Variants in MSRB3 observed in about 807,000 individuals in gnomAD.
MSRB3 encodes methionine-R-sulfoxide reductase B3.
MSRB3 carries 13 observed loss-of-function variants against 21.0 expected under a neutral mutation model. The observed-to-expected ratio is 0.62, with a 90% CI of 0.40 to 0.98. MSRB3 has a LOEUF of 0.98. Ranked by LOEUF, MSRB3 falls within the 50% of genes least tolerant of loss-of-function variation. The pLI is 0.00. For missense variants in MSRB3, 199 were observed against 230.3 expected, an observed-to-expected ratio of 0.86 and a Z score of 0.88; for synonymous variants, 87 against 88.6, an observed-to-expected ratio of 0.98 and a Z score of 0.10.
chr12:65,399,794 G>A (rs952369979), intron 5 of MSRB3, among the ~76,000 whole-genome samples: 1 of 152,146 alleles, frequency 6.6e-6, no homozygotes, highest in African/African-American at 2.4e-5. Context: ...CTAGTTTATT[G>A]AGAGTTTTTA....
chr12:65,431,120 G>A (rs897430929), intron 5 of MSRB3, among the ~76,000 whole-genome samples: 2 of 151,858 alleles, frequency 1.3e-5, no homozygotes, highest in South Asian at 2.1e-4. Flanking sequence ...AAGAATTTCT[G>A]GTGTCTGATT....
At chr12:65,410,136 T>A (rs1464177994) in intron 5 of MSRB3, among the ~76,000 whole-genome samples, 1 of 152,224 alleles carries the variant, frequency 6.6e-6, no homozygotes, top group African/African-American at 2.4e-5. Flanking sequence ...CAACTTTTTT[T>A]ATTTCATGTA....
At chr12:65,359,708 G>A (rs1035511259) in intron 4 of MSRB3, among the ~76,000 whole-genome samples, 1 of 152,154 alleles carries the variant, frequency 6.6e-6, no homozygotes, top group Admixed American at 6.6e-5. Flanking sequence ...TTCAGGTTAA[G>A]CACTTTGGCA....
In MSRB3 at chr12:65,465,505, A is replaced by G. The variant is rs1883526554; in HGVS notation, c.*2183A>G. 2 of 152,210 alleles carry G rather than the reference A, an allele frequency of 1.3e-5. No homozygotes were observed. Among genetic ancestry groups the G allele is most frequent in the Admixed American group, 1.3e-4 (2 of 15,278 alleles). The allele number at this position is 152,210 out of a possible 1,614,324, so 9.4% of individuals were successfully genotyped here. On this transcript the variant is annotated 3_prime_UTR_variant, in exon 7 of 7. Transcript: ENST00000308259. ...AAATTAGAATGAAAATCTGTGACAA[A>G]CAGCGTCAGTGTGGCCATGTCCACA...
intron 6 of MSRB3, among the ~76,000 whole-genome samples, chr12:65,455,594 A>C (rs1447645338): frequency 6.6e-6 from 1 of 152,202 alleles, no homozygotes; most frequent in Non-Finnish European, 1.5e-5. Context: ...GCTTATGTGG[A>C]TTTAAGTGGC....
chr12:65,322,524 G>A (rs1027466769), intron 2 of MSRB3, among the ~76,000 whole-genome samples: 4 of 151,712 alleles, frequency 2.6e-5, no homozygotes, highest in African/African-American at 9.7e-5. Flanking sequence ...GTGTGGTGGT[G>A]GGCGTCTGTA....
chr12:65,392,344 G>A (rs778209206), intron 5 of MSRB3, among the ~76,000 whole-genome samples: 2 of 152,106 alleles, frequency 1.3e-5, no homozygotes, highest in Non-Finnish European at 2.9e-5. Context: ...TTTTACCTCT[G>A]CATCTAGCAT....
At chr12:65,438,513 T>A (rs987030235) in intron 5 of MSRB3, among the ~76,000 whole-genome samples, 35 of 151,934 alleles carry the variant, frequency 2.3e-4, no homozygotes, top group African/African-American at 8.2e-4. Flanking sequence ...CTCCCGAACT[T>A]TAAGGATAAA....
At chr12:65,373,599 A>G (rs1878439544) in intron 5 of MSRB3, among the ~76,000 whole-genome samples, 1 of 152,152 alleles carries the variant, frequency 6.6e-6, no homozygotes. Context: ...TGCTTGGAAT[A>G]GCTATACTAA....
intron 2 of MSRB3, among the ~76,000 whole-genome samples, chr12:65,310,160 G>T (rs1192631186): frequency 6.6e-6 from 1 of 152,042 alleles, no homozygotes; most frequent in Non-Finnish European, 1.5e-5. Context: ...TCTGTTTATG[G>T]TGACATGAGG....
At chr12:65,328,286 C>T (rs562801765) in intron 3 of MSRB3, among the ~76,000 whole-genome samples, 141 of 151,744 alleles carry the variant, frequency 9.3e-4, no homozygotes, top group African/African-American at 3.3e-3. Context: ...CTAAGCATTA[C>T]ATAACTAGAT....
intron 5 of MSRB3, among the ~76,000 whole-genome samples, chr12:65,376,851 G>A (rs942614596): frequency 1.8e-4 from 28 of 152,048 alleles, no homozygotes; most frequent in Admixed American, 7.2e-4. Flanking sequence ...AAGAAATGAA[G>A]GCTGCTGCAA....
intron 5 of MSRB3, among the ~76,000 whole-genome samples, chr12:65,373,444 T>C (rs1264149405): frequency 6.6e-6 from 1 of 152,164 alleles, no homozygotes; most frequent in African/African-American, 2.4e-5. Context: ...TATCAGGCAA[T>C]GTTTGGGTGA....
At chr12:65,432,525 C>T (rs937595129) in intron 5 of MSRB3, among the ~76,000 whole-genome samples, 1 of 152,016 alleles carries the variant, frequency 6.6e-6, no homozygotes, top group Non-Finnish European at 1.5e-5. Context: ...ATATCCCCTC[C>T]TAGCTCTTCT....
chr12:65,350,395 T>G (rs1876877567), intron 4 of MSRB3, among the ~76,000 whole-genome samples: 1 of 150,698 alleles, frequency 6.6e-6, no homozygotes, highest in African/African-American at 2.5e-5. Context: ...AGGAAGAAAC[T>G]GCATCAACTA....
Position 65,326,884 on chromosome 12 carries a change from G to A in MSRB3, c.135G>A (p.Lys45=), listed in dbSNP as rs756172822. The A allele has an allele frequency of 1.9e-6, 3 of 1,612,898 alleles. No homozygotes were observed. The highest frequency in any genetic ancestry group is 2.2e-5 in the South Asian group (2 of 91,026). Residue 45 remains lysine, a synonymous_variant, in exon 3 of 7, where the codon AAG becomes AAA. Coordinates refer to ENST00000308259, the MANE Select transcript of MSRB3 (RefSeq NM_001031679.3). The part of the protein sequence containing the change: ...KVVFSQQELR[K]RLTPLQYHVT... ...TCTTTTCCCAGCAGGAACTGAGGAA[G>A]CGGCTAACACCCCTGCAGTACCATG...
At chr12:65,420,632 C>T (rs181638768) in intron 5 of MSRB3, among the ~76,000 whole-genome samples, 1 of 152,070 alleles carries the variant, frequency 6.6e-6, no homozygotes, top group Non-Finnish European at 1.5e-5. Context: ...TCCTCCTGCC[C>T]TGCTCCCTCA....
chr12:65,401,682 TTGA>T (rs1880133079), intron 5 of MSRB3, among the ~76,000 whole-genome samples: 2 of 152,282 alleles, frequency 1.3e-5, no homozygotes, highest in South Asian at 4.1e-4. Flanking sequence ...TGTCCATTAG[TTGA>T]TGCAGTTTCT....
chr12:65,326,821 T>C lies in MSRB3; in HGVS notation c.77-5T>C. ...CTTCTTCTCCCATATCCTCTCTCTT[T>C]TCAGGGTCGTGTAGGGATAAAAAGA... On this transcript the variant is annotated splice_polypyrimidine_tract_variant and splice_region_variant and intron_variant, in intron 2 of 6. Coordinates refer to ENST00000308259, the MANE Select transcript of MSRB3 (RefSeq NM_001031679.3). The C allele has an allele frequency of 1.2e-6, 2 of 1,612,230 alleles. No individual in the cohort carries two copies. The highest frequency in any genetic ancestry group is 8.5e-7 in the Non-Finnish European group (1 of 1,178,494).
Sources: gnomAD v4.1 joint callset for allele counts (sites outside exome capture counted in the v4.1 genomes callset) on GRCh38, gnomAD v4.1.1 for gene constraint, MANE v1.5 for transcripts, NCBI Gene and HGNC (gene_info 2026-07-23, HGNC 2026-07-21) for gene names.